FAM228B: variants seen among roughly 807,000 people sequenced by gnomAD.
FAM228B encodes the protein protein FAM228B.
FAM228B carries 38 observed loss-of-function variants against 42.6 expected under a neutral mutation model. That is an observed-to-expected ratio of 0.89 (90% confidence interval 0.69 to 1.17). The LOEUF (loss-of-function observed/expected upper bound fraction) is 1.17. Ranked by LOEUF, FAM228B falls within the 50% of genes most tolerant of loss-of-function variation. The pLI is 0.00. For synonymous variants in FAM228B, 109 were observed against 122.3 expected (o/e 0.89, Z 0.72); for missense variants, 344 against 367.3 (o/e 0.94, Z 0.52).
chr2:24,077,803 C>G lies in FAM228B; in HGVS notation c.-290+834C>G, dbSNP rs1284851923. The stretch of plus-strand genomic sequence containing the variant: ...GAGATCATCAGCCTGGGGAGAGAGC[C>G]TCACCCTGCCCTCCTCATCCTCCTC... On this transcript the variant is annotated intron_variant, in intron 1 of 10. Coordinates refer to the FAM228B transcript ENST00000613899. This position sits in a 1 kb window ranked among gnomAD's most constrained non-coding sequence, Gnocchi z 5.5. The G allele has an allele frequency of 3.8e-6, 6 of 1,580,426 alleles. No homozygotes were observed. Among genetic ancestry groups the G allele is most frequent in the Middle Eastern group, 3.5e-4 (2 of 5,660 alleles).
intron 2 of FAM228B, among the ~76,000 whole-genome samples, chr2:24,133,098 C>T (rs139951324): frequency 6.6e-6 from 1 of 152,278 alleles, no homozygotes; most frequent in East Asian, 1.9e-4. Context: ...ATGTTTCTAT[C>T]TGAGTTTTAG....
At chr2:24,139,972 A>G (rs1413405776) in intron 5 of FAM228B, among the ~76,000 whole-genome samples, 4 of 152,166 alleles carry the variant, frequency 2.6e-5, no homozygotes, top group Admixed American at 6.5e-5. Flanking sequence ...TAAGTATATA[A>G]TTTTCTTCAT....
At chr2:24,086,295 A>G (rs1026793852) in intron 2 of FAM228B, among the ~76,000 whole-genome samples, 2 of 152,096 alleles carry the variant, frequency 1.3e-5, no homozygotes, top group African/African-American at 2.4e-5. Context: ...AGAAGATTCA[A>G]TAGTTAACCA....
chr2:24,152,575 A>T (rs1667049283), intron 7 of FAM228B, among the ~76,000 whole-genome samples: 1 of 152,224 alleles, frequency 6.6e-6, no homozygotes, highest in East Asian at 1.9e-4. Flanking sequence ...CAGAAGAGTT[A>T]TCTGGTTACT....
chr2:24,155,504 C>CATATATAT (rs1156603467), intron 7 of FAM228B, among the ~76,000 whole-genome samples: 1 of 35,896 alleles, frequency 2.8e-5, no homozygotes, highest in African/African-American at 1.0e-4. Flanking sequence ...GAAGACCATG[C>CATATATAT]ATATATATAT....
At chr2:24,119,655 T>A, upstream of FAM228B, 1 of 1,613,428 alleles carries the variant, frequency 6.2e-7, no homozygotes, top group Non-Finnish European at 8.5e-7. Flanking sequence ...TACAGATGGG[T>A]CTTCACGACA....
At chr2:24,081,458 C>T (rs1664998526) in intron 2 of FAM228B, among the ~76,000 whole-genome samples, 2 of 152,200 alleles carry the variant, frequency 1.3e-5, no homozygotes, top group East Asian at 1.9e-4. Flanking sequence ...TGGCCTCCAG[C>T]TGGTCTTCCT....
chr2:24,143,523 A>G (rs144898949), intron 5 of FAM228B, among the ~76,000 whole-genome samples: 3 of 152,186 alleles, frequency 2.0e-5, no homozygotes, highest in Non-Finnish European at 4.4e-5. Flanking sequence ...ACGTATCTCT[A>G]TATGGATTTT....
At chr2:24,161,443 G>A in intron 7 of FAM228B, 63 bp from the exon 8 acceptor site, 1 of 981,720 alleles carries the variant, frequency 1.0e-6, no homozygotes. Context: ...CAGAGATCTT[G>A]TCTCAAAAAA....
chr2:24,156,781 C>G (rs1034627134), intron 7 of FAM228B, among the ~76,000 whole-genome samples: 131 of 142,852 alleles, frequency 9.2e-4, no homozygotes, highest in African/African-American at 3.3e-3. Context: ...TCCGCCCCCC[C>G]CCCCCCAGCT....
intron 9 of FAM228B, among the ~76,000 whole-genome samples, chr2:24,164,738 G>C (rs1249622429): frequency 6.6e-6 from 1 of 152,162 alleles, no homozygotes; most frequent in Non-Finnish European, 1.5e-5. Flanking sequence ...TAACCTTAAG[G>C]CAGTCAAGAT....
chr2:24,108,294 A>AAAAC lies in FAM228B; in HGVS notation c.-121+13085_-121+13088dup, dbSNP rs572519405. ...ATTAGTAATAAAAAGCCCACCAACC[A>AAAAC]AAACAAACAAACAAACAAACAAAAA... On this transcript the variant is annotated intron_variant, in intron 3 of 10. Coordinates refer to the FAM228B transcript ENST00000613899. 9.4e-3 allele frequency among the ~76,000 whole-genome samples: 1,437 copies of AAAAC among 152,176 alleles called. 16 individuals are homozygous for AAAAC. The highest frequency in any genetic ancestry group is 0.033 in the African/African-American group (1,352 of 41,500).
chr2:24,081,136 C>T (rs1426197594), intron 2 of FAM228B: 12 of 406,578 alleles, frequency 3.0e-5, no homozygotes, highest in Non-Finnish European at 4.1e-5. Flanking sequence ...AATGCCAAAT[C>T]AATCTTTTGC....
chr2:24,165,161 A>T (rs867821437), intron 9 of FAM228B, among the ~76,000 whole-genome samples: 14 of 152,228 alleles, frequency 9.2e-5, no homozygotes, highest in South Asian at 4.2e-4. Context: ...GAGAAGAAGA[A>T]TCATGAATTA....
intron 7 of FAM228B, among the ~76,000 whole-genome samples, chr2:24,158,187 C>G (rs1049340610): frequency 7.4e-5 from 2 of 27,206 alleles, no homozygotes; most frequent in Admixed American, 4.7e-4. Context: ...GGCTTTCTCT[C>G]TGAACCTCCT....
chr2:24,152,845 A>C (rs769466668), intron 7 of FAM228B, among the ~76,000 whole-genome samples: 2 of 152,166 alleles, frequency 1.3e-5, no homozygotes, highest in Non-Finnish European at 2.9e-5. Context: ...AAGTAAAAAA[A>C]ACCTTAGCAG....
intron 7 of FAM228B, among the ~76,000 whole-genome samples, chr2:24,153,514 C>T (rs899692552): frequency 2.0e-5 from 3 of 152,150 alleles, no homozygotes; most frequent in Non-Finnish European, 2.9e-5. Context: ...GAATGGGGAC[C>T]GCAGGACCCT....
intron 2 of FAM228B, among the ~76,000 whole-genome samples, chr2:24,130,726 A>T (rs974310871): frequency 6.6e-6 from 1 of 151,950 alleles, no homozygotes; most frequent in Non-Finnish European, 1.5e-5. Flanking sequence ...AGATTGCAAA[A>T]ATTTTCTCCC....
At chr2:24,081,267 T>C (rs933746260) in intron 2 of FAM228B, among the ~76,000 whole-genome samples, 2 of 152,244 alleles carry the variant, frequency 1.3e-5, no homozygotes, top group African/African-American at 4.8e-5. Flanking sequence ...CTTTTCTGTC[T>C]TATTGCCTCT....
Sources: gnomAD v4.1 joint callset for allele counts (sites outside exome capture counted in the v4.1 genomes callset) on GRCh38, gnomAD v4.1.1 for gene constraint, Gnocchi (gnomAD v3.1) non-coding constraint, MANE v1.5 for transcripts, NCBI Gene and HGNC (gene_info 2026-07-23, HGNC 2026-07-21) for gene names.